The following TRIM66 variants were observed in gnomAD, a reference collection of about 807,000 sequenced individuals.
TRIM66 encodes the protein tripartite motif containing 66.
Under a neutral mutation model 148.2 loss-of-function variants are expected in TRIM66, and 99 were observed. The ratio of observed to expected loss-of-function variants is 0.67; its 90% CI spans 0.57 to 0.79. The LOEUF (loss-of-function observed/expected upper bound fraction) is 0.79. Among genes scored for constraint, TRIM66 ranks in the 30% least tolerant of loss-of-function variants. The pLI is 0.00. For missense variants in TRIM66, 1,666 were observed against 1,697.9 expected (o/e 0.98, Z 0.33); for synonymous variants, 616 against 635.9 (o/e 0.97, Z 0.47).
intron 15 of TRIM66, among the ~76,000 whole-genome samples, chr11:8,631,788 G>C (rs2035422240): frequency 6.6e-6 from 1 of 152,240 alleles, no homozygotes; most frequent in Non-Finnish European, 1.5e-5. Flanking sequence ...ACACCGGCTA[G>C]ATACCCACAT....
chr11:8,619,016 C>T (rs2033947393), intron 23 of TRIM66, 48 bp from the exon 24 acceptor site: 6 of 1,514,894 alleles, frequency 4.0e-6, no homozygotes, highest in South Asian at 1.2e-5. Context: ...TCTACCAGTC[C>T]ATCTCTTTCG....
intron 7 of TRIM66, among the ~76,000 whole-genome samples, chr11:8,650,327 C>T (rs990556115): frequency 6.6e-6 from 1 of 151,992 alleles, no homozygotes; most frequent in African/African-American, 2.4e-5. Flanking sequence ...GAGCCAAGAT[C>T]GTACCACTAC....
chr11:8,649,645 C>A (rs746366988), intron 8 of TRIM66, 95 bp downstream of exon 8: 1 of 1,461,988 alleles, frequency 6.8e-7, no homozygotes, highest in Non-Finnish European at 9.2e-7. Context: ...TCTCCCCCAG[C>A]AAGAAAACAA....
chr11:8,640,444 G>C lies in TRIM66; in HGVS notation c.1931C>G (p.Pro644Arg). Reference protein sequence around the residue: ...ASSQHESPPGPACSQNMDIMH... With the variant: ...ASSQHESPPGRACSQNMDIMH... Reference sequence around the variant, plus strand: ...TATGTCCATGTTCTGAGAACAGGCAGGGCCAGGAGGGCTCTCGTGCTGACT... The same window carrying C: ...TATGTCCATGTTCTGAGAACAGGCACGGCCAGGAGGGCTCTCGTGCTGACT... Residue 644 changes from proline to arginine, a missense_variant, in exon 14 of 25, where the codon CCT (proline) becomes CGT (arginine). By Grantham distance (103) the Pro-to-Arg change is moderately radical. This residue lies in a region of TRIM66 where 1,431 missense variants were observed against 1,412.4 expected (regional missense o/e 1.01). Transcript: ENST00000646038. 2 of 1,551,550 alleles carry C rather than the reference G, an allele frequency of 1.3e-6. No individual in the cohort carries two copies. Among genetic ancestry groups the C allele is most frequent in the Non-Finnish European group, 1.7e-6 (2 of 1,146,996 alleles).
chr11:8,672,591 T>G (rs2038988038), intron 4 of TRIM66, among the ~76,000 whole-genome samples: 1 of 150,122 alleles, frequency 6.7e-6, no homozygotes, highest in African/African-American at 2.4e-5. Flanking sequence ...CAAATCCAGG[T>G]CAGTCTTCTG....
chr11:8,662,095 GGCTCCAGGCTCCA>G (rs1396775890), intron 6 of TRIM66, among the ~76,000 whole-genome samples: 2 of 152,084 alleles, frequency 1.3e-5, no homozygotes, highest in Non-Finnish European at 2.9e-5. Flanking sequence ...CCACTGACAG[GGCTCCAGGCTCCA>G]GCTTCTGCAC....
At chr11:8,655,934 A>C (rs2037791803) in intron 6 of TRIM66, among the ~76,000 whole-genome samples, 1 of 152,240 alleles carries the variant, frequency 6.6e-6, no homozygotes, top group African/African-American at 2.4e-5. Context: ...TGGATTTAAG[A>C]GATTAGCCCT....
upstream of TRIM66, chr11:8,682,899 C>A: frequency 6.7e-7 from 1 of 1,496,988 alleles, no homozygotes; most frequent in Non-Finnish European, 9.0e-7. Flanking sequence ...TCATCCACTC[C>A]CTACCATGGT....
chr11:8,647,775 C>T (rs1311098851), intron 10 of TRIM66, among the ~76,000 whole-genome samples, 195 bp downstream of exon 10: 2 of 152,148 alleles, frequency 1.3e-5, no homozygotes, highest in Admixed American at 1.3e-4. Context: ...TCTCAGCCAC[C>T]AAGGGATGAC....
chr11:8,677,555 G>A (rs192000893), intron 3 of TRIM66, among the ~76,000 whole-genome samples: 34 of 152,180 alleles, frequency 2.2e-4, no homozygotes, highest in Non-Finnish European at 4.0e-4. Context: ...GAGGTAGGAG[G>A]GCTGCTTGAG....
intron 1 of TRIM66, among the ~76,000 whole-genome samples, chr11:8,680,289 C>T (rs10840106): frequency 0.32 from 49,198 of 151,986 alleles, 8,776 homozygotes; most frequent in Non-Finnish European, 0.41. Context: ...AAGGAGCTAC[C>T]GAACTTTTTG....
chr11:8,638,978 A>G (rs963519693), intron 14 of TRIM66, among the ~76,000 whole-genome samples, 163 bp from the exon 15 acceptor site: 2 of 152,046 alleles, frequency 1.3e-5, no homozygotes, highest in Non-Finnish European at 2.9e-5. Context: ...TCTTATCCCA[A>G]CTCTTCCAAA....
At chr11:8,642,843 CAAAA>C (rs60432547) in intron 13 of TRIM66, among the ~76,000 whole-genome samples, 162 bp downstream of exon 13, 33 of 73,230 alleles carry the variant, frequency 4.5e-4, no homozygotes, top group African/African-American at 1.6e-3. Flanking sequence ...TCTTCCCCCT[CAAAA>C]AAAAAAAAAA....
At position 8,640,264 on chromosome 11, in the gene TRIM66, GC is replaced by G; in HGVS notation, c.2110del (p.Ala704HisfsTer65). ...CTCCTGGCTCTGGGACTGGACAGGTGCTGGCTGCCTCACGATGTAGTTGATC... is the reference window on the plus strand; with the variant it reads ...CTCCTGGCTCTGGGACTGGACAGGTGTGGCTGCCTCACGATGTAGTTGATC... ...GQINYIVRQP[A>X]PVQSQSQEET... On this transcript the variant is annotated frameshift_variant, in exon 14 of 25. Transcript: ENST00000646038. LOFTEE classifies it high-confidence loss of function. The G allele has an allele frequency of 6.4e-7, 1 of 1,551,712 alleles. No homozygotes were observed. The highest frequency in any genetic ancestry group is 1.4e-5 in the African/African-American group (1 of 73,126).
upstream of TRIM66, chr11:8,683,190 T>G: frequency 6.2e-7 from 1 of 1,614,094 alleles, no homozygotes; most frequent in Non-Finnish European, 8.5e-7. Context: ...CCACCAAGCT[T>G]TTTCCACACA....
In TRIM66 at chr11:8,640,693, G is replaced by A. The variant is rs375697574; in HGVS notation, c.1682C>T (p.Pro561Leu). The change falls in exon 14 of 25, where the codon CCA (proline) becomes CTA (leucine). Residue 561 changes from proline to leucine, a missense_variant. Transcript: ENST00000646038. ...LTSQPVCIVP[P>L]QDVQQGAHAQ... ...ATGGGCTCCTTGCTGAACATCCTGT[G>A]GGGGGACAATGCACACGGGCTGGGA... 395 of 1,551,610 alleles carry A rather than the reference G, an allele frequency of 2.5e-4. No individual in the cohort carries two copies. In the African/African-American group the frequency reaches 3.9e-3, roughly 15 times the overall value.
chr11:8,675,433 A>G (rs984779070), intron 3 of TRIM66, among the ~76,000 whole-genome samples: 3 of 152,182 alleles, frequency 2.0e-5, no homozygotes, highest in African/African-American at 7.2e-5. Flanking sequence ...ACCAGGCTGG[A>G]GTACAATGGC....
At chr11:8,631,963 C>T (rs1395804143) in intron 15 of TRIM66, among the ~76,000 whole-genome samples, 3 of 152,070 alleles carry the variant, frequency 2.0e-5, no homozygotes, top group Non-Finnish European at 4.4e-5. Flanking sequence ...GAAAAAGGGA[C>T]CACAGATTTG....
intron 19 of TRIM66, 127 bp from the exon 20 acceptor site, chr11:8,621,448 C>G: frequency 7.3e-7 from 1 of 1,365,496 alleles, no homozygotes; most frequent in Non-Finnish European, 9.7e-7. Context: ...CCCAAGCCAG[C>G]AAGCCCCATG....
Sources: gnomAD v4.1 joint callset for allele counts (sites outside exome capture counted in the v4.1 genomes callset) on GRCh38, gnomAD v4.1.1 for gene constraint, gnomAD v4.1.1 regional missense constraint, MANE v1.5 for transcripts, NCBI Gene and HGNC (gene_info 2026-07-23, HGNC 2026-07-21) for gene names.